The following HINT1 variants were observed in gnomAD, a reference collection of about 807,000 sequenced individuals.
HINT1 encodes the protein histidine triad nucleotide binding protein 1, also known as adenosine 5'-monophosphoramidase HINT1.
In HINT1, 12 loss-of-function variants were observed where a neutral mutation model predicts 11.2. The ratio of observed to expected loss-of-function variants is 1.07; its 90% CI spans 0.69 to 1.74. The LOEUF (loss-of-function observed/expected upper bound fraction) is 1.74, where lower values mean the gene tolerates loss of function less well. HINT1 is among the 40% of genes most tolerant of loss of function. The pLI, the probability that HINT1 is intolerant of heterozygous loss-of-function variation, is 0.00. For missense variants in HINT1, 150 were observed against 161.8 expected, an observed-to-expected ratio of 0.93 and a Z score of 0.40; for synonymous variants, 42 against 52.6, an observed-to-expected ratio of 0.80 and a Z score of 0.87.
chr5:131,162,320 A>G (rs1373777437), intron 2 of HINT1: 4 of 313,674 alleles, frequency 1.3e-5, no homozygotes, highest in African/African-American at 2.2e-5. Context: ...CTCTGTCTCA[A>G]AAAAAAAAAA....
chr5:131,160,716 G>A (rs1254364186), intron 2 of HINT1: 4 of 1,227,672 alleles, frequency 3.3e-6, no homozygotes, highest in Non-Finnish European at 4.2e-6. Flanking sequence ...GTAAGTTGGG[G>A]AAATTATGAT....
chr5:131,161,901 C>T (rs986360517), intron 2 of HINT1, among the ~76,000 whole-genome samples: 1 of 152,196 alleles, frequency 6.6e-6, no homozygotes, highest in Non-Finnish European at 1.5e-5. Flanking sequence ...ACCAACCCCT[C>T]GTCTTCCTCA....
rs1378724374 is a variant in HINT1 at position 131,165,193 on chromosome 5, T to G, written c.13A>C (p.Ile5Leu). The G allele has an allele frequency of 6.2e-7, 1 of 1,608,154 alleles. No homozygotes were observed. The highest frequency in any genetic ancestry group is 1.7e-5 in the Admixed American group (1 of 60,026). The change falls in exon 1 of 3, where the codon ATT (isoleucine) becomes CTT (leucine). Residue 5 changes from isoleucine to leucine, a missense_variant. Transcript: ENST00000304043. The part of the protein sequence containing the change: MADE[I>L]AKAQVARPGG... ...GGCCGAGCGACCTGAGCCTTGGCAA[T>G]CTCATCTGCCATCTCGGCCTCTCTC... is the stretch of plus-strand genomic sequence containing the variant.
chr5:131,164,585 C>A (rs988410633), intron 1 of HINT1, among the ~76,000 whole-genome samples: 2 of 152,314 alleles, frequency 1.3e-5, no homozygotes, highest in East Asian at 1.9e-4. Context: ...CACCTCCCAG[C>A]GCCCCTGGGG....
chr5:131,162,448 T>C lies in HINT1; in HGVS notation c.216+124A>G, dbSNP rs549068609. ...AACAGCTGGGCAGTTGAAGTCCTAA[T>C]GGTTTTTCTGGTTTTTCCTTAGTAA... On this transcript the variant is annotated intron_variant, in intron 2 of 2. Transcript: ENST00000304043. The C allele has an allele frequency of 3.4e-5, 52 of 1,542,682 alleles. No homozygotes were observed. In the African/African-American group the frequency reaches 4.2e-4, roughly 13 times the overall value.
rs17689125 is a variant in HINT1 at position 131,163,713 on chromosome 5, G to A, written c.112-1037C>T. On this transcript the variant is annotated intron_variant, in intron 1 of 2. Coordinates refer to ENST00000304043, the MANE Select transcript of HINT1 (RefSeq NM_005340.7). ...ACCTATCCTTTTGTGTAAAGCTGAA[G>A]AGTATATATATGATATTCTTTAGCA... Among the ~76,000 whole-genome samples the A allele has an allele frequency of 6.8e-3, 1,040 of 152,156 alleles. 4 individuals are homozygous for A. Among genetic ancestry groups the A allele is most frequent in the Middle Eastern group, 0.017 (5 of 294 alleles).
At position 131,159,531 on chromosome 5, in the gene HINT1, A is replaced by G; in HGVS notation, c.297T>C (p.Asn99=). The G allele has an allele frequency of 6.2e-7, 1 of 1,613,980 alleles. No individual in the cohort carries two copies. The highest frequency in any genetic ancestry group is 8.5e-7 in the Non-Finnish European group (1 of 1,179,946). ...GLNKGYRMVV[N]EGSDGGQSVY... ...CAGACTGTCCACCATCTGAACCTTCATTCACCACCATTCGATAACCCTTAT... is the reference window on the plus strand; with the variant it reads ...CAGACTGTCCACCATCTGAACCTTCGTTCACCACCATTCGATAACCCTTAT... The change falls in exon 3 of 3, where the codon AAT becomes AAC. Residue 99 remains asparagine, a synonymous_variant. Transcript: ENST00000304043.
At chr5:131,160,010 C>T (rs1484567290) in intron 2 of HINT1, among the ~76,000 whole-genome samples, 1 of 152,082 alleles carries the variant, frequency 6.6e-6, no homozygotes, top group African/African-American at 2.4e-5. Context: ...TGCCACCACA[C>T]CCGGCTAATT....
rs1283808250 is a variant in HINT1 at position 131,159,191 on chromosome 5, G to C, written c.*256C>G. 1 of 336,976 alleles carries C rather than the reference G, an allele frequency of 3.0e-6. No homozygotes were observed. Among genetic ancestry groups the C allele is most frequent in the East Asian group, 4.9e-5 (1 of 20,528 alleles). The allele number at this position is 336,976 out of a possible 1,614,324, so 20.9% of individuals were successfully genotyped here. A position where few individuals can be genotyped will look rare whatever the true frequency, so the allele number is the denominator to read the frequency against. On this transcript the variant is annotated 3_prime_UTR_variant, in exon 3 of 3. Transcript: ENST00000304043. Reference sequence around the variant, plus strand: ...TCATATGTTGAGTCCTCCTTGGGAAGAAAAAGCAAGAAACATCCAAAATTA... The same window carrying C: ...TCATATGTTGAGTCCTCCTTGGGAACAAAAAGCAAGAAACATCCAAAATTA...
intron 2 of HINT1, 122 bp downstream of exon 2, chr5:131,162,450 G>A: frequency 6.5e-7 from 1 of 1,543,494 alleles, no homozygotes; most frequent in South Asian, 1.2e-5. Flanking sequence ...AGTCCTAATG[G>A]TTTTTCTGGT....
chr5:131,165,144 T>G lies in HINT1; in HGVS notation c.62A>C (p.Lys21Thr). The G allele has an allele frequency of 6.2e-7, 1 of 1,612,832 alleles. No individual in the cohort carries two copies. Among genetic ancestry groups the G allele is most frequent in the Non-Finnish European group, 8.5e-7 (1 of 1,179,926 alleles). The change falls in exon 1 of 3, where the codon AAG becomes ACG. Residue 21 changes from lysine to threonine, a missense_variant. Coordinates refer to ENST00000304043, the MANE Select transcript of HINT1 (RefSeq NM_005340.7). ...GGCTGGTATTTCCTTGCGGATGATC[T>G]TCCCAAAGATCGTGTCGCCACCAGG... ...ARPGGDTIFG[K>T]IIRKEIPAKI...
Position 131,159,140 on chromosome 5 carries a change from G to A in HINT1, c.*307C>T, listed in dbSNP as rs917563275. 1 of 205,738 alleles carries A rather than the reference G, an allele frequency of 4.9e-6. No individual in the cohort carries two copies. Among genetic ancestry groups the A allele is most frequent in the Non-Finnish European group, 9.7e-6 (1 of 103,040 alleles). The allele number at this position is 205,738 out of a possible 1,614,324, so 12.7% of individuals were successfully genotyped here. On this transcript the variant is annotated 3_prime_UTR_variant, in exon 3 of 3. Coordinates refer to ENST00000304043, the MANE Select transcript of HINT1 (RefSeq NM_005340.7). The stretch of plus-strand genomic sequence containing the variant: ...TCTCATTATTTGTCTTCAAAGACTA[G>A]TAACACCATTAAAACAATGCGATGT...
chr5:131,164,331 A>G (rs1053147130), intron 1 of HINT1, among the ~76,000 whole-genome samples: 1 of 152,248 alleles, frequency 6.6e-6, no homozygotes, highest in Non-Finnish European at 1.5e-5. Flanking sequence ...CTACAGTCTT[A>G]GTCTCTTGGC....
At chr5:131,162,185 T>C in intron 2 of HINT1, 1 of 518,768 alleles carries the variant, frequency 1.9e-6, no homozygotes, top group Non-Finnish European at 3.4e-6. Flanking sequence ...TTAGCCAGCC[T>C]TGGTGGCGGG....
chr5:131,161,395 G>A (rs1755243088), intron 2 of HINT1, among the ~76,000 whole-genome samples: 1 of 151,702 alleles, frequency 6.6e-6, no homozygotes, highest in South Asian at 2.1e-4. Context: ...CGTGAGGTTG[G>A]GAGTTCGAGA....
intron 2 of HINT1, chr5:131,160,531 T>C (rs1755223630): frequency 4.8e-6 from 1 of 206,538 alleles, no homozygotes; most frequent in Non-Finnish European, 8.7e-6. Flanking sequence ...AACTTCAACA[T>C]TCTAAAAAGC....
At chr5:131,164,118 T>C (rs1238467578) in intron 1 of HINT1, among the ~76,000 whole-genome samples, 1 of 152,200 alleles carries the variant, frequency 6.6e-6, no homozygotes, top group East Asian at 1.9e-4. Context: ...TAACCGACAT[T>C]AGTAGAATAA....
At chr5:131,165,008 G>A (rs1396866057) in intron 1 of HINT1, 87 bp downstream of exon 1, 2 of 1,577,640 alleles carry the variant, frequency 1.3e-6, no homozygotes, top group Non-Finnish European at 1.7e-6. Flanking sequence ...CTACACTCGC[G>A]ACCCCTCCTC....
intron 1 of HINT1, 58 bp from the exon 2 acceptor site, chr5:131,162,734 A>C (rs1489302198): frequency 8.9e-7 from 1 of 1,122,098 alleles, no homozygotes; most frequent in East Asian, 2.4e-5. Context: ...GTAGGATAAA[A>C]CTTATTTCAA....
Sources: gnomAD v4.1 joint callset for allele counts (sites outside exome capture counted in the v4.1 genomes callset) on GRCh38, gnomAD v4.1.1 for gene constraint, MANE v1.5 for transcripts, NCBI Gene and HGNC (gene_info 2026-07-23, HGNC 2026-07-21) for gene names.